The following ZCCHC7 variants were observed in gnomAD, a reference collection of about 807,000 sequenced individuals.
The protein encoded by ZCCHC7 is zinc finger CCHC-type containing 7.
ZCCHC7 carries 35 observed loss-of-function variants against 52.0 expected under a neutral mutation model. The observed-to-expected ratio is 0.67, with a 90% confidence interval of 0.51 to 0.89. The LOEUF (loss-of-function observed/expected upper bound fraction) is 0.89. Ranked by LOEUF, ZCCHC7 falls within the 40% of genes least tolerant of loss-of-function variation. ZCCHC7 has a pLI of 0.00. For synonymous variants in ZCCHC7, 217 were observed against 221.5 expected, an observed-to-expected ratio of 0.98 and a Z score of 0.18; for missense variants, 574 against 649.1, an observed-to-expected ratio of 0.88 and a Z score of 1.26.
At chr9:37,192,500 A>C (rs1823069294) in intron 2 of ZCCHC7, among the ~76,000 whole-genome samples, 1 of 152,252 alleles carries the variant, frequency 6.6e-6, no homozygotes, top group South Asian at 2.1e-4. Flanking sequence ...TTCAGTAAAC[A>C]TGATTGTAAG....
chr9:37,336,290 T>A (rs990582516), intron 6 of ZCCHC7, among the ~76,000 whole-genome samples: 1 of 152,324 alleles, frequency 6.6e-6, no homozygotes, highest in African/African-American at 2.4e-5. Context: ...ACTTTATCAG[T>A]ACATGCAGTT....
chr9:37,162,484 C>T (rs1257970354), intron 2 of ZCCHC7, among the ~76,000 whole-genome samples: 1 of 152,144 alleles, frequency 6.6e-6, no homozygotes, highest in Non-Finnish European at 1.5e-5. Flanking sequence ...TGGAATCATA[C>T]AGTAGGGACC....
intron 2 of ZCCHC7, among the ~76,000 whole-genome samples, chr9:37,136,894 T>G (rs1010134965): frequency 1.3e-5 from 2 of 152,138 alleles, no homozygotes; most frequent in Non-Finnish European, 2.9e-5. Flanking sequence ...CAAAGTGTTG[T>G]GCTTACAGGC....
chr9:37,126,795 A>G lies in ZCCHC7; in HGVS notation c.463A>G (p.Ile155Val), dbSNP rs774481691. ...AGGTGTAATCCGAGAGGTCATGATTATAGAGGTCAGTTCAAGTGAAGAGGA... is the reference window on the plus strand; with the variant it reads ...AGGTGTAATCCGAGAGGTCATGATTGTAGAGGTCAGTTCAAGTGAAGAGGA... ...RSGVIREVMI[I>V]EVSSSEEEES... The change falls in exon 2 of 9, where the codon ATA (isoleucine) becomes GTA (valine). Residue 155 changes from isoleucine (I) to valine (V), a missense_variant. Coordinates refer to ENST00000336755, the MANE Select transcript of ZCCHC7 (RefSeq NM_032226.3). The G allele has an allele frequency of 1.9e-6, 3 of 1,614,162 alleles. No individual in the cohort carries two copies. The highest frequency in any genetic ancestry group is 2.2e-5 in the East Asian group (1 of 44,872).
intron 5 of ZCCHC7, among the ~76,000 whole-genome samples, chr9:37,321,936 A>G (rs190168321): frequency 6.6e-6 from 1 of 152,340 alleles, no homozygotes; most frequent in Non-Finnish European, 1.5e-5. Flanking sequence ...GTCAGCGCTC[A>G]GATTTCATTA....
chr9:37,217,796 G>A (rs796879598), intron 2 of ZCCHC7, among the ~76,000 whole-genome samples: 22 of 152,234 alleles, frequency 1.4e-4, no homozygotes, highest in African/African-American at 5.1e-4. Flanking sequence ...GTCAGAGATT[G>A]TCAGGGTTAT....
rs141929350 is a variant in ZCCHC7 at position 37,153,320 on chromosome 9, G to A, written c.610+26378G>A. Among the ~76,000 whole-genome samples the A allele has an allele frequency of 3.4e-3, 518 of 151,730 alleles. 1 individual carries two copies. Among genetic ancestry groups the A allele is most frequent in the Non-Finnish European group, 5.3e-3 (357 of 67,872 alleles). Reference sequence around the variant, plus strand: ...CAAGTAGCTGGGATCATAGGTGCCCGCCACCATGCCTGGCTAATTTTGGTA... The same window carrying A: ...CAAGTAGCTGGGATCATAGGTGCCCACCACCATGCCTGGCTAATTTTGGTA... On this transcript the variant is annotated intron_variant, in intron 2 of 8. Coordinates refer to ENST00000336755, the MANE Select transcript of ZCCHC7 (RefSeq NM_032226.3).
intron 2 of ZCCHC7, among the ~76,000 whole-genome samples, chr9:37,211,934 G>A (rs1006957006): frequency 1.1e-4 from 16 of 144,994 alleles, no homozygotes; most frequent in African/African-American, 4.0e-4. Context: ...AGGCTGAGGC[G>A]ACAGAATGGC....
intron 2 of ZCCHC7, among the ~76,000 whole-genome samples, chr9:37,252,109 T>C (rs1366000007): frequency 6.6e-6 from 1 of 152,158 alleles, no homozygotes; most frequent in Non-Finnish European, 1.5e-5. Context: ...CAAATTTTTG[T>C]GAATAAATTG....
intron 2 of ZCCHC7, among the ~76,000 whole-genome samples, chr9:37,141,395 G>T (rs1289940598): frequency 6.6e-6 from 1 of 151,678 alleles, no homozygotes; most frequent in African/African-American, 2.4e-5. Flanking sequence ...TTATTGTGTG[G>T]TACTTAGATC....
At chr9:37,241,952 T>C (rs1265396261) in intron 2 of ZCCHC7, among the ~76,000 whole-genome samples, 2 of 151,834 alleles carry the variant, frequency 1.3e-5, no homozygotes, top group African/African-American at 2.4e-5. Flanking sequence ...CCAGTTCTTC[T>C]TGAAACATTG....
At chr9:37,314,500 G>A (rs567164553) in intron 5 of ZCCHC7, among the ~76,000 whole-genome samples, 125 of 152,112 alleles carry the variant, frequency 8.2e-4, no homozygotes, top group African/African-American at 2.9e-3. Context: ...CCACTAATAC[G>A]AACAAATTCT....
chr9:37,302,501 T>TC (rs1183399198), intron 3 of ZCCHC7, among the ~76,000 whole-genome samples: 1 of 152,202 alleles, frequency 6.6e-6, no homozygotes, highest in Admixed American at 6.5e-5. Context: ...ACTAAAAAGA[T>TC]CAACACCGGA....
chr9:37,307,499 T>C (rs1033812503), intron 5 of ZCCHC7, among the ~76,000 whole-genome samples: 1 of 152,214 alleles, frequency 6.6e-6, no homozygotes, highest in African/African-American at 2.4e-5. Context: ...GTGTCTCTCA[T>C]TCTCTTTTTT....
chr9:37,163,689 C>G (rs1821244547), intron 2 of ZCCHC7, among the ~76,000 whole-genome samples: 1 of 152,130 alleles, frequency 6.6e-6, no homozygotes, highest in South Asian at 2.1e-4. Context: ...AATTTTGAAG[C>G]CCAGTGTGTC....
At chr9:37,276,032 G>A (rs1430350174) in intron 2 of ZCCHC7, among the ~76,000 whole-genome samples, 2 of 152,160 alleles carry the variant, frequency 1.3e-5, no homozygotes, top group African/African-American at 4.8e-5. Flanking sequence ...CTGCATCCTT[G>A]CGAACACATG....
chr9:37,200,177 TTTG>T lies in ZCCHC7; in HGVS notation c.610+73238_610+73240del, dbSNP rs760866115. ...CTTTGTTTTTCTAATTTCCTCTCTC[TTTG>T]TTATCTTTTTCTGTTTTCTTCTCCA... On this transcript the variant is annotated intron_variant, in intron 2 of 8. Transcript: ENST00000336755. 2.5e-4 allele frequency among the ~76,000 whole-genome samples: 37 copies of T among 150,412 alleles called. No homozygotes were observed. In the South Asian group the frequency reaches 6.8e-3, roughly 28 times the overall value.
In ZCCHC7 at chr9:37,356,570, C is replaced by G. The variant is rs1286229733; in HGVS notation, c.1199-265C>G. ...TTTCTTCACAAAGCTAAGATGATTA[C>G]TGTTCTTACAGGTCCTCATCTCCAT... On this transcript the variant is annotated intron_variant, in intron 8 of 8. Transcript: ENST00000336755. Among the ~76,000 whole-genome samples, 7 of 152,230 alleles carry G rather than the reference C, an allele frequency of 4.6e-5. No individual in the cohort carries two copies. The East Asian group carries it at 1.3e-3, about 29-fold the overall frequency.
At chr9:37,273,367 G>A (rs1466008110) in intron 2 of ZCCHC7, among the ~76,000 whole-genome samples, 1 of 152,200 alleles carries the variant, frequency 6.6e-6, no homozygotes, top group African/African-American at 2.4e-5. Flanking sequence ...GCCAGGCATG[G>A]TGGCGGGTGC....
Sources: allele counts gnomAD v4.1 joint callset (sites outside exome capture counted in the v4.1 genomes callset), GRCh38; gene constraint gnomAD v4.1.1; transcripts MANE v1.5; gene names NCBI Gene and HGNC (gene_info 2026-07-23, HGNC 2026-07-21).